JMY: variants seen among roughly 807,000 people sequenced by gnomAD.
The protein encoded by JMY is junction-mediating and -regulatory protein.
In JMY, 46 loss-of-function variants were observed where a neutral mutation model predicts 103.3. That is an observed-to-expected ratio of 0.45 (90% confidence interval 0.35 to 0.57). The LOEUF is 0.57. JMY is among the 20% of genes least tolerant of loss of function. The pLI is 0.00. For missense variants in JMY, 1,238 were observed against 1,255.2 expected, an observed-to-expected ratio of 0.99 and a Z score of 0.21; for synonymous variants, 526 against 489.3, an observed-to-expected ratio of 1.07 and a Z score of -0.99.
intron 1 of JMY, among the ~76,000 whole-genome samples, chr5:79,252,477 CTGTT>C (rs1745118631): frequency 6.6e-6 from 1 of 151,666 alleles, no homozygotes. Flanking sequence ...TTTGTTAGGT[CTGTT>C]TGACCTATGA....
At chr5:79,286,152 G>A (rs1019538681) in intron 2 of JMY, among the ~76,000 whole-genome samples, 10 of 152,020 alleles carry the variant, frequency 6.6e-5, no homozygotes, top group African/African-American at 1.2e-4. Flanking sequence ...AGTTGCTTAC[G>A]AGTTGGCTGC....
At chr5:79,307,434 T>C (rs1182389970) in intron 7 of JMY, among the ~76,000 whole-genome samples, 1 of 152,160 alleles carries the variant, frequency 6.6e-6, no homozygotes, top group Non-Finnish European at 1.5e-5. Flanking sequence ...TTTTGAATTT[T>C]AGCCATTCTG....
intron 1 of JMY, among the ~76,000 whole-genome samples, chr5:79,238,419 A>G (rs1168185524): frequency 6.6e-6 from 1 of 152,154 alleles, no homozygotes; most frequent in East Asian, 1.9e-4. Flanking sequence ...AAAGTGGAAG[A>G]AAGGGTCTGA....
chr5:79,315,018 A>T (rs1050758381), intron 9 of JMY, among the ~76,000 whole-genome samples, 167 bp downstream of exon 9: 1 of 152,248 alleles, frequency 6.6e-6, no homozygotes, highest in Non-Finnish European at 1.5e-5. Flanking sequence ...CATAAAGTAC[A>T]CAGAAATGTA....
Position 79,314,800 on chromosome 5 carries a change from A to T in JMY, c.2608A>T (p.Ser870Cys). The part of the protein sequence containing the change: ...AHLFDSSQLV[S>C]ARKKLRKTAE... The stretch of plus-strand genomic sequence containing the variant: ...CCTCTTTGACAGCAGCCAGCTGGTC[A>T]GTGCACGGAAGAAGCTCAGAAAGAC... The change falls in exon 9 of 11, where the codon AGT (serine) becomes TGT (cysteine). Residue 870 changes from serine (S) to cysteine (C), a missense_variant. Physicochemically the swap from Ser to Cys is moderately radical, Grantham distance 112. Transcript: ENST00000396137. The T allele has an allele frequency of 6.2e-7, 1 of 1,602,666 alleles. No homozygotes were observed. Among genetic ancestry groups the T allele is most frequent in the Non-Finnish European group, 8.5e-7 (1 of 1,175,308 alleles).
chr5:79,284,621 T>C lies in JMY; in HGVS notation c.1207-5500T>C, dbSNP rs527495221. 1.3e-4 allele frequency: 202 copies of C among 1,552,246 alleles called. 3 individuals are homozygous for C. The highest frequency in any genetic ancestry group is 3.5e-6 in the Non-Finnish European group (4 of 1,136,450). On this transcript the variant is annotated intron_variant, in intron 2 of 10. Coordinates refer to ENST00000396137, the MANE Select transcript of JMY (RefSeq NM_152405.5). The stretch of plus-strand genomic sequence containing the variant: ...TTTGTCACAGGTAAGATCCATGCCA[T>C]GGAAGTTAGGCAGTTTTTACCCTGA...
chr5:79,306,646 A>C (rs1343403754), intron 7 of JMY, among the ~76,000 whole-genome samples, 185 bp downstream of exon 7: 4 of 152,126 alleles, frequency 2.6e-5, no homozygotes, highest in Non-Finnish European at 4.4e-5. Flanking sequence ...CTCAACCCGC[A>C]CACGTAGCCT....
intron 2 of JMY, among the ~76,000 whole-genome samples, chr5:79,278,837 C>T (rs953652416): frequency 6.6e-6 from 1 of 150,496 alleles, no homozygotes; most frequent in Admixed American, 6.6e-5. Flanking sequence ...CCATGTTGCC[C>T]AGGCTGGTCT....
At chr5:79,240,898 A>G (rs1350014033) in intron 1 of JMY, among the ~76,000 whole-genome samples, 5 of 152,174 alleles carry the variant, frequency 3.3e-5, no homozygotes, top group Non-Finnish European at 4.4e-5. Context: ...GTGTTATTCT[A>G]TTGACTTAGT....
At chr5:79,320,198 A>G (rs1747405758) in intron 10 of JMY, among the ~76,000 whole-genome samples, 1 of 152,166 alleles carries the variant, frequency 6.6e-6, no homozygotes, top group Non-Finnish European at 1.5e-5. Context: ...CCTGGGCAAC[A>G]TGACGAAACA....
At chr5:79,256,879 C>T (rs1745260705) in intron 1 of JMY, among the ~76,000 whole-genome samples, 1 of 151,894 alleles carries the variant, frequency 6.6e-6, no homozygotes, top group South Asian at 2.1e-4. Context: ...ACCTCAGCCT[C>T]CCTAGTAACT....
chr5:79,315,200 GACTGTC>G (rs780429157), intron 9 of JMY, among the ~76,000 whole-genome samples: 26 of 152,120 alleles, frequency 1.7e-4, no homozygotes, highest in Non-Finnish European at 2.8e-4. Context: ...ATCTGGTAAG[GACTGTC>G]ACCACAGGGA....
rs1462891160 is a variant in JMY at position 79,327,203 on chromosome 5, TTGAA to T, written c.*5603_*5606del. 1 of 78,062 alleles carries T rather than the reference TTGAA, an allele frequency of 1.3e-5. No individual in the cohort carries two copies. Among genetic ancestry groups the T allele is most frequent in the African/African-American group, 1.5e-4 (1 of 6,536 alleles). 4.8% of individuals were successfully genotyped at this position (78,062 alleles called of 1,614,324 possible). On this transcript the variant is annotated 3_prime_UTR_variant, in exon 11 of 11. Coordinates refer to ENST00000396137, the MANE Select transcript of JMY (RefSeq NM_152405.5). Reference sequence around the variant, plus strand: ...TTTTTCTTTAATAAAGGATATTTATTTGAATTAATTAACCTGATTTTGTTTGTTT... The same window carrying T: ...TTTTTCTTTAATAAAGGATATTTATTTTAATTAACCTGATTTTGTTTGTTT...
At chr5:79,265,785 T>TC (rs1376613979) in intron 1 of JMY, among the ~76,000 whole-genome samples, 1 of 150,278 alleles carries the variant, frequency 6.7e-6, no homozygotes, top group African/African-American at 2.4e-5. Flanking sequence ...TGATTCTTTT[T>TC]TTTTTTTTTT....
chr5:79,271,594 T>G (rs1029496591), intron 1 of JMY, among the ~76,000 whole-genome samples: 2 of 152,220 alleles, frequency 1.3e-5, no homozygotes, highest in Non-Finnish European at 2.9e-5. Flanking sequence ...TTGTTTCTAC[T>G]GAATTTTTTT....
At chr5:79,284,079 T>A (rs762558401) in intron 2 of JMY, 1 of 1,148,830 alleles carries the variant, frequency 8.7e-7, no homozygotes, top group South Asian at 1.6e-5. Context: ...ATTTTATTTT[T>A]ATTTTTTTTC....
chr5:79,285,970 C>T (rs569268240), intron 2 of JMY, among the ~76,000 whole-genome samples: 3,163 of 151,950 alleles, frequency 0.021, 132 homozygotes, highest in African/African-American at 0.072. Flanking sequence ...GCTTTTTTTC[C>T]GTGTTAAAAA....
intron 10 of JMY, among the ~76,000 whole-genome samples, chr5:79,318,775 G>T (rs1371176855): frequency 3.9e-3 from 88 of 22,628 alleles, no homozygotes; most frequent in Middle Eastern, 0.015. Context: ...GAGAGAGAGA[G>T]AGAGAGAGAG....
chr5:79,296,044 A>T (rs1380326171), intron 4 of JMY, among the ~76,000 whole-genome samples: 1 of 152,224 alleles, frequency 6.6e-6, no homozygotes, highest in African/African-American at 2.4e-5. Flanking sequence ...CAAAACCATT[A>T]TCTGAATTCC....
Sources: allele counts gnomAD v4.1 joint callset (sites outside exome capture counted in the v4.1 genomes callset), GRCh38; gene constraint gnomAD v4.1.1; transcripts MANE v1.5; gene names NCBI Gene and HGNC (gene_info 2026-07-23, HGNC 2026-07-21).